The following CPAP variants were observed in gnomAD, a reference collection of about 807,000 sequenced individuals.
The protein encoded by CPAP is centrosomal P4.1-associated protein.
the CPAP span, among the ~76,000 whole-genome samples, chr13:24,902,323 G>GT: frequency 1.3e-5 from 2 of 152,154 alleles, no homozygotes; most frequent in East Asian, 3.8e-4. Flanking sequence ...AAAGATGTCC[G>GT]TTTTGAAATA....
the CPAP span, chr13:24,886,273 A>ATGTT: frequency 7.8e-7 from 1 of 1,281,642 alleles, no homozygotes; most frequent in Admixed American, 2.3e-5. Context: ...TCTGACCTCC[A>ATGTT]TGTTAAAAAG....
the CPAP span, among the ~76,000 whole-genome samples, chr13:24,915,559 T>C: frequency 6.6e-6 from 1 of 152,110 alleles, no homozygotes; most frequent in Admixed American, 6.5e-5. Context: ...ATCCCAGCAC[T>C]TTGGGAGGCC....
the CPAP span, chr13:24,909,780 A>G: frequency 6.2e-7 from 1 of 1,607,386 alleles, no homozygotes; most frequent in Non-Finnish European, 8.5e-7. Flanking sequence ...GAGAAACATA[A>G]GTAGCTCACC....
the CPAP span, among the ~76,000 whole-genome samples, chr13:24,911,236 T>C: frequency 6.6e-6 from 1 of 152,346 alleles, no homozygotes; most frequent in East Asian, 1.9e-4. Flanking sequence ...TTTGTCATTA[T>C]GAGTCACGAT....
chr13:24,933,053 A>G, the CPAP span: 10 of 1,589,648 alleles, frequency 6.3e-6, no homozygotes. Flanking sequence ...AAAGTGAAGT[A>G]CTTACCTCGG....
chr13:24,892,915 G>C, the CPAP span: 1 of 1,296,580 alleles, frequency 7.7e-7, no homozygotes, highest in Non-Finnish European at 1.1e-6. Flanking sequence ...TACATTACCA[G>C]AATTAAAACA....
chr13:24,899,301 A>C, the CPAP span: 1 of 747,336 alleles, frequency 1.3e-6, no homozygotes, highest in Non-Finnish European at 2.3e-6. Context: ...TATTTGCTGA[A>C]TGAATGAATA....
chr13:24,905,714 T>C, the CPAP span: 4 of 1,614,222 alleles, frequency 2.5e-6, no homozygotes, highest in Non-Finnish European at 3.4e-6. Context: ...AGACACTTTA[T>C]GTTTTATGCT....
chr13:24,905,238 A>T, the CPAP span: 2 of 1,070,108 alleles, frequency 1.9e-6, no homozygotes, highest in Non-Finnish European at 2.8e-6. Flanking sequence ...ATTTGACTTA[A>T]TTCTATTGAG....
chr13:24,905,339 G>A, the CPAP span: 3 of 1,611,846 alleles, frequency 1.9e-6, no homozygotes, highest in Admixed American at 1.7e-5. Flanking sequence ...ATAATGCTCT[G>A]ACTCACCAGG....
the CPAP span, among the ~76,000 whole-genome samples, chr13:24,927,517 G>T: frequency 1.3e-5 from 2 of 152,088 alleles, no homozygotes; most frequent in African/African-American, 4.8e-5. Flanking sequence ...CCTTCCCCCC[G>T]CAGTGATTCC....
chr13:24,920,303 T>C, the CPAP span, among the ~76,000 whole-genome samples: 10 of 152,328 alleles, frequency 6.6e-5, no homozygotes, highest in African/African-American at 9.6e-5. Flanking sequence ...TGCCAGTTTA[T>C]AGAACTGTTA....
chr13:24,927,287 A>G, the CPAP span, among the ~76,000 whole-genome samples: 1 of 152,158 alleles, frequency 6.6e-6, no homozygotes, highest in Non-Finnish European at 1.5e-5. Context: ...TCAAGATCCA[A>G]TTTGGGTAGA....
chr13:24,931,915 C>A, the CPAP span, among the ~76,000 whole-genome samples: 584 of 152,294 alleles, frequency 3.8e-3, 10 homozygotes, highest in Non-Finnish European at 1.3e-3. Flanking sequence ...TGGCTAAATC[C>A]CTCCTGAAAC....
chr13:24,905,797 T>G, the CPAP span: 1 of 1,614,208 alleles, frequency 6.2e-7, no homozygotes, highest in African/African-American at 1.3e-5. Context: ...TTTTATCTTC[T>G]TGGGTCCTGG....
At chr13:24,926,475 C>T in the CPAP span, among the ~76,000 whole-genome samples, 2 of 152,058 alleles carry the variant, frequency 1.3e-5, no homozygotes, top group South Asian at 4.2e-4. Context: ...ACAAGGGAAA[C>T]GGGTCCCAGT....
chr13:24,917,590 A>AT, the CPAP span, among the ~76,000 whole-genome samples: 8 of 152,106 alleles, frequency 5.3e-5, no homozygotes, highest in Admixed American at 3.9e-4. Flanking sequence ...TGTTTGAATA[A>AT]TTTTTTTCAA....
At chr13:24,884,558 AT>A in the CPAP span, 1 of 1,233,142 alleles carries the variant, frequency 8.1e-7, no homozygotes, top group Admixed American at 1.7e-5. Context: ...ATTTTTTGTA[AT>A]AAAATGTAAA....
At chr13:24,920,640 A>G in the CPAP span, among the ~76,000 whole-genome samples, 67 of 81,088 alleles carry the variant, frequency 8.3e-4, no homozygotes, top group African/African-American at 3.3e-3. Flanking sequence ...TTTTTTTTTG[A>G]GATGGAGTCT....
Sources: allele counts gnomAD v4.1 joint callset (sites outside exome capture counted in the v4.1 genomes callset), GRCh38; gene constraint gnomAD v4.1.1; transcripts MANE v1.5; gene names NCBI Gene and HGNC (gene_info 2026-07-23, HGNC 2026-07-21).